TENM3: variants seen among roughly 807,000 people sequenced by gnomAD.
TENM3 encodes the protein teneurin transmembrane protein 3.
In TENM3, 63 loss-of-function variants were observed where a neutral mutation model predicts 255.1. That is an observed-to-expected ratio of 0.25 (90% CI 0.20 to 0.30). The LOEUF (loss-of-function observed/expected upper bound fraction) is 0.30. Among genes scored for constraint, TENM3 ranks in the 10% least tolerant of loss-of-function variants. The pLI, the probability that TENM3 is intolerant of heterozygous loss-of-function variation, is 1.00. For missense variants in TENM3, 2,929 were observed against 3,461.1 expected (o/e 0.85, Z 3.86); for synonymous variants, 1,306 against 1,322.3 (o/e 0.99, Z 0.27).
chr4:181,518,574 C>T, the TENM3 span, among the ~76,000 whole-genome samples: 2 of 152,092 alleles, frequency 1.3e-5, no homozygotes, highest in African/African-American at 2.4e-5. Context: ...ACTATAGGCA[C>T]GTGCCACCAT....
chr4:182,255,806 T>C (rs1387342958), intron 1 of TENM3, among the ~76,000 whole-genome samples: 2 of 152,186 alleles, frequency 1.3e-5, no homozygotes, highest in African/African-American at 4.8e-5. Flanking sequence ...CATCCTTCAT[T>C]GTTAACATTT....
the TENM3 span, among the ~76,000 whole-genome samples, chr4:181,752,651 A>C: frequency 6.6e-6 from 1 of 152,152 alleles, no homozygotes; most frequent in East Asian, 1.9e-4. Context: ...ATTTTTTTGG[A>C]GTATGAGTCA....
intron 3 of TENM3, among the ~76,000 whole-genome samples, chr4:182,513,479 A>G (rs1170015114): frequency 6.6e-6 from 1 of 151,640 alleles, no homozygotes; most frequent in Non-Finnish European, 1.5e-5. Flanking sequence ...AACATAGGCT[A>G]CCTATTTAAA....
chr4:182,045,370 T>C, the TENM3 span, among the ~76,000 whole-genome samples: 2 of 150,112 alleles, frequency 1.3e-5, no homozygotes, highest in African/African-American at 4.9e-5. Context: ...AAGTACGATG[T>C]CCATGTCTGT....
the TENM3 span, among the ~76,000 whole-genome samples, chr4:181,507,319 A>G: frequency 6.6e-6 from 1 of 152,208 alleles, no homozygotes; most frequent in African/African-American, 2.4e-5. Context: ...TGAAACACCA[A>G]GAGTCTCTTA....
chr4:181,887,399 T>G, the TENM3 span, among the ~76,000 whole-genome samples: 4 of 152,220 alleles, frequency 2.6e-5, no homozygotes, highest in Non-Finnish European at 4.4e-5. Context: ...TATTTCCAAT[T>G]TCTCTTTATT....
chr4:182,392,890 T>TG (rs1242656477), intron 3 of TENM3, among the ~76,000 whole-genome samples: 1 of 152,158 alleles, frequency 6.6e-6, no homozygotes, highest in Non-Finnish European at 1.5e-5. Flanking sequence ...GAAGAGCTAT[T>TG]GGGGGTGCAA....
chr4:182,425,347 A>G (rs957833173), intron 3 of TENM3, among the ~76,000 whole-genome samples: 6 of 152,208 alleles, frequency 3.9e-5, no homozygotes, highest in African/African-American at 1.2e-4. Context: ...TATTTCCTAT[A>G]TATCCTAAAT....
intron 3 of TENM3, among the ~76,000 whole-genome samples, chr4:182,432,362 G>T (rs1341656949): frequency 6.6e-6 from 1 of 152,124 alleles, no homozygotes; most frequent in Non-Finnish European, 1.5e-5. Flanking sequence ...TCTCTGACAT[G>T]CAGAAGTCTT....
intron 3 of TENM3, among the ~76,000 whole-genome samples, chr4:182,416,674 T>C (rs1008178172): frequency 2.0e-5 from 3 of 152,196 alleles, no homozygotes; most frequent in Non-Finnish European, 4.4e-5. Context: ...GGGGTCACAA[T>C]TGGCTTCCCA....
At position 182,627,921 on chromosome 4, in the gene TENM3, T is replaced by A. The variant is rs9784496; in HGVS notation, c.750-730T>A. Among the ~76,000 whole-genome samples the A allele has an allele frequency of 3.2e-3, 483 of 152,212 alleles. 5 individuals carry two copies. Among genetic ancestry groups the A allele is most frequent in the African/African-American group, 0.011 (459 of 41,512 alleles). On this transcript the variant is annotated intron_variant, in intron 4 of 27. Coordinates refer to ENST00000511685, the MANE Select transcript of TENM3 (RefSeq NM_001080477.4). ...CGGTGGTTAGGGAATGTTTCCGTATTTGATCCAGAATCTGCTTCACTGACC... is the reference window on the plus strand; with the variant it reads ...CGGTGGTTAGGGAATGTTTCCGTATATGATCCAGAATCTGCTTCACTGACC...
chr4:181,550,704 A>T, the TENM3 span, among the ~76,000 whole-genome samples: 1 of 152,196 alleles, frequency 6.6e-6, no homozygotes, highest in Non-Finnish European at 1.5e-5. Context: ...CAAGTCTTTT[A>T]TATGTCATTA....
chr4:182,112,321 G>A, the TENM3 span, among the ~76,000 whole-genome samples: 9 of 152,044 alleles, frequency 5.9e-5, no homozygotes, highest in Non-Finnish European at 1.3e-4. Flanking sequence ...CCACATTCAC[G>A]GACTGACCGT....
the TENM3 span, among the ~76,000 whole-genome samples, chr4:181,915,927 A>C: frequency 6.6e-6 from 1 of 152,186 alleles, no homozygotes; most frequent in Middle Eastern, 3.2e-3. Flanking sequence ...AGAAAACTCC[A>C]ATACAGGCAG....
the TENM3 span, among the ~76,000 whole-genome samples, chr4:181,974,398 T>A: frequency 6.6e-6 from 1 of 151,992 alleles, no homozygotes; most frequent in Non-Finnish European, 1.5e-5. Context: ...TGAAACCCCA[T>A]CTCTACTAAA....
chr4:182,363,140 C>A (rs1302420558), intron 3 of TENM3, among the ~76,000 whole-genome samples: 1 of 152,112 alleles, frequency 6.6e-6, no homozygotes, highest in Non-Finnish European at 1.5e-5. Flanking sequence ...AACTGTGAAA[C>A]TGGAATTACA....
intron 3 of TENM3, among the ~76,000 whole-genome samples, chr4:182,389,383 GAAAA>G (rs5864782): frequency 4.9e-5 from 7 of 142,144 alleles, no homozygotes; most frequent in African/African-American, 2.6e-5. Context: ...TTGGTAGATG[GAAAA>G]AAAAAAAAAA....
intron 3 of TENM3, among the ~76,000 whole-genome samples, chr4:182,558,565 T>G (rs1240307316): frequency 2.0e-5 from 3 of 152,126 alleles, no homozygotes; most frequent in Non-Finnish European, 4.4e-5. Context: ...GGAAGTAGAT[T>G]GGGGATATAA....
At chr4:181,627,780 G>T in the TENM3 span, among the ~76,000 whole-genome samples, 1 of 152,174 alleles carries the variant, frequency 6.6e-6, no homozygotes. Flanking sequence ...ATTGTGAATA[G>T]TACCGCAATA....
Sources: allele counts gnomAD v4.1 joint callset (sites outside exome capture counted in the v4.1 genomes callset), GRCh38; gene constraint gnomAD v4.1.1; transcripts MANE v1.5; gene names NCBI Gene and HGNC (gene_info 2026-07-23, HGNC 2026-07-21).